UNC13B: variants seen among roughly 807,000 people sequenced by gnomAD.
The protein encoded by UNC13B is unc-13 homolog B.
Under a neutral mutation model 211.0 loss-of-function variants are expected in UNC13B, and 144 were observed. The observed-to-expected ratio is 0.68, with a 90% CI of 0.60 to 0.78. The LOEUF (loss-of-function observed/expected upper bound fraction) is 0.78, where lower values mean the gene tolerates loss of function less well. Ranked by LOEUF, UNC13B falls within the 30% of genes least tolerant of loss-of-function variation. The pLI is 0.00. For missense variants in UNC13B, 1,777 were observed against 2,002.0 expected (o/e 0.89, Z 2.14); for synonymous variants, 709 against 725.8 (o/e 0.98, Z 0.37).
intron 11 of UNC13B, among the ~76,000 whole-genome samples, chr9:35,335,640 A>G (rs1831609447): frequency 6.6e-6 from 1 of 152,152 alleles, no homozygotes; most frequent in African/African-American, 2.4e-5. Flanking sequence ...TGTTAACGAC[A>G]GATGAGATAA....
rs755057329 is a variant in UNC13B, at chr9:35,400,397, T to G, written c.12438T>G (p.Thr4146=). 33 of 1,614,082 alleles carry G rather than the reference T, an allele frequency of 2.0e-5. No individual in the cohort carries two copies. The highest frequency in any genetic ancestry group is 2.6e-5 in the Non-Finnish European group (31 of 1,179,970). ...ATGCCCTGTCTCTGTACACACAGAC[T>G]ACTGACACTCTCATCAAGACCTTTG... The part of the protein sequence containing the change: ...LRYALSLYTQ[T]TDTLIKTFVR... Residue 4146 remains threonine (T), a synonymous_variant, in exon 37 of 40, where the codon ACT becomes ACG. Transcript: ENST00000635942.
chr9:35,263,048 A>C (rs960432377), intron 7 of UNC13B, among the ~76,000 whole-genome samples: 3 of 152,148 alleles, frequency 2.0e-5, no homozygotes, highest in Non-Finnish European at 4.4e-5. Flanking sequence ...CTCTATTCAT[A>C]TGGGGGTATA....
chr9:35,384,461 C>G, intron 22 of UNC13B, 147 bp downstream of exon 22: 33 of 1,409,166 alleles, frequency 2.3e-5, no homozygotes, highest in Non-Finnish European at 3.1e-5. Flanking sequence ...GCTACTGACA[C>G]CTGTGGTTCT....
At chr9:35,317,748 G>A (rs1303866547) in intron 11 of UNC13B, among the ~76,000 whole-genome samples, 1 of 148,214 alleles carries the variant, frequency 6.7e-6, no homozygotes, top group African/African-American at 2.5e-5. Context: ...TGTTGGCCAG[G>A]CTGGTCTCAA....
rs75790740 is a variant in UNC13B at position 35,374,552 on chromosome 9, C to T, written c.9541-575C>T. On this transcript the variant is annotated intron_variant, in intron 13 of 39. Transcript: ENST00000635942. ...TGGCTAGCAAGGCAGCCCCAGCTCT[C>T]AGACTTAACTCTCTGTCCTGCTTGA... Among the ~76,000 whole-genome samples the T allele has an allele frequency of 6.1e-3, 934 of 152,294 alleles. 9 individuals carry two copies. The highest frequency in any genetic ancestry group is 0.021 in the African/African-American group (870 of 41,554).
intron 3 of UNC13B, among the ~76,000 whole-genome samples, chr9:35,233,760 T>C (rs1825341048): frequency 1.3e-5 from 2 of 152,202 alleles, no homozygotes; most frequent in African/African-American, 2.4e-5. Context: ...ATCTTCACTA[T>C]TTGTGTGCAT....
chr9:35,304,793 C>T lies in UNC13B; in HGVS notation c.5389C>T (p.Gln1797Ter), dbSNP rs1829849777. 1 of 398,724 alleles carries T rather than the reference C, an allele frequency of 2.5e-6. No individual in the cohort carries two copies. The highest frequency in any genetic ancestry group is 2.1e-5 in the African/African-American group (1 of 48,588). 24.7% of individuals were successfully genotyped at this position (398,724 alleles called of 1,614,324 possible). A position where few individuals can be genotyped will look rare whatever the true frequency, so the allele number is the denominator to read the frequency against. ...DLAELTNDGF[Q>*]SLIMSKQLEG... ...AGCAGAGCTCACAAATGATGGCTTT[C>T]AGTCATTAATCATGAGTAAGCAATT... The change falls in exon 9 of 40, where the codon CAG (glutamine) becomes TAG (stop). Residue 1797 changes from glutamine (Q) to a stop codon, truncating the protein, a stop_gained. Coordinates refer to ENST00000635942, the MANE Select transcript of UNC13B (RefSeq NM_001371189.2). LOFTEE classifies it high-confidence loss of function.
In UNC13B at chr9:35,386,164, G is replaced by A; in HGVS notation, c.10966-1G>A. On this transcript the variant is annotated splice_acceptor_variant, in intron 23 of 39. Coordinates refer to ENST00000635942, the MANE Select transcript of UNC13B (RefSeq NM_001371189.2). LOFTEE classifies it high-confidence loss of function. Reference sequence around the variant, plus strand: ...CCCATATTTCTTCTTTTAATTGGCAGGTACAAGAACTGCAAAGCCCTCCAA... The same window carrying A: ...CCCATATTTCTTCTTTTAATTGGCAAGTACAAGAACTGCAAAGCCCTCCAA... 1 of 1,614,058 alleles carries A rather than the reference G, an allele frequency of 6.2e-7. No homozygotes were observed. The highest frequency in any genetic ancestry group is 8.5e-7 in the Non-Finnish European group (1 of 1,179,962).
chr9:35,353,020 C>T (rs1832816791), intron 11 of UNC13B: 15 of 1,232,070 alleles, frequency 1.2e-5, no homozygotes, highest in Non-Finnish European at 1.4e-5. Flanking sequence ...AAGCTGGGCT[C>T]GATATTCTGA....
At chr9:35,191,415 A>T (rs1020255819) in intron 1 of UNC13B, among the ~76,000 whole-genome samples, 2 of 152,154 alleles carry the variant, frequency 1.3e-5, no homozygotes, top group African/African-American at 4.8e-5. Flanking sequence ...CAACTTTGGG[A>T]GGTGTCTGGT....
At chr9:35,282,426 G>GTTTGT (rs1194987097) in intron 7 of UNC13B, among the ~76,000 whole-genome samples, 12 of 151,440 alleles carry the variant, frequency 7.9e-5, no homozygotes, top group Admixed American at 3.3e-4. Context: ...AATTTTTTTT[G>GTTTGT]TTTGTTTTGT....
intron 6 of UNC13B, among the ~76,000 whole-genome samples, chr9:35,255,042 A>G (rs989444336): frequency 1.0e-4 from 12 of 119,226 alleles, no homozygotes; most frequent in African/African-American, 3.3e-4. Flanking sequence ...AATATATATT[A>G]TATATAATAT....
At chr9:35,397,041 G>A (rs1265255940) in intron 28 of UNC13B, 104 bp downstream of exon 28, 4 of 1,599,726 alleles carry the variant, frequency 2.5e-6, no homozygotes, top group Admixed American at 1.7e-5. Context: ...TGCCTGCCCT[G>A]TGGAGTTCAC....
intron 25 of UNC13B, among the ~76,000 whole-genome samples, chr9:35,390,291 T>C (rs1835450024): frequency 1.3e-5 from 2 of 152,182 alleles, no homozygotes; most frequent in Non-Finnish European, 2.9e-5. Context: ...TGGGCCTTCT[T>C]ATAGCCCACC....
At chr9:35,398,080 C>T (rs1389034023) in intron 30 of UNC13B, 131 bp from the exon 31 acceptor site, 2 of 738,522 alleles carry the variant, frequency 2.7e-6, no homozygotes, top group Admixed American at 5.8e-5. Flanking sequence ...GGCCCCAGCT[C>T]TTAGTGCTGA....
chr9:35,234,835 A>G (rs1825404462), intron 3 of UNC13B, among the ~76,000 whole-genome samples: 4 of 152,212 alleles, frequency 2.6e-5, no homozygotes, highest in South Asian at 2.1e-4. Flanking sequence ...CTGTCATTCT[A>G]TATCTCAAAC....
intron 28 of UNC13B, 84 bp from the exon 29 acceptor site, chr9:35,397,083 T>G: frequency 6.2e-7 from 1 of 1,603,770 alleles, no homozygotes; most frequent in Non-Finnish European, 8.5e-7. Flanking sequence ...TAGCCACTCT[T>G]GCTGGTCAGA....
intron 5 of UNC13B, among the ~76,000 whole-genome samples, chr9:35,239,140 G>A (rs1225319786): frequency 2.0e-5 from 3 of 151,982 alleles, no homozygotes; most frequent in African/African-American, 7.2e-5. Context: ...GCAGTCTTTT[G>A]TGTTTCCCAA....
In UNC13B at chr9:35,382,417, C is replaced by T. The variant is rs148771743; in HGVS notation, c.10716C>T (p.Thr3572=). The T allele has an allele frequency of 3.1e-6, 5 of 1,614,078 alleles. No homozygotes were observed. The highest frequency in any genetic ancestry group is 4.2e-6 in the Non-Finnish European group (5 of 1,180,038). The change falls in exon 21 of 40, where the codon ACC becomes ACT. Residue 3572 remains threonine (T), a synonymous_variant. Transcript: ENST00000635942. ...CTGGTGTGCCAGCAGTGATGAGCAC[C>T]TTACTGGCCAACATCAACGCCTACT... is the stretch of plus-strand genomic sequence containing the variant. ...MCPGVPAVMS[T]LLANINAYYA... is the part of the protein sequence containing the mutation.
Sources: allele counts gnomAD v4.1 joint callset (sites outside exome capture counted in the v4.1 genomes callset), GRCh38; gene constraint gnomAD v4.1.1; transcripts MANE v1.5; gene names NCBI Gene and HGNC (gene_info 2026-07-23, HGNC 2026-07-21).